Variants in ZNF547 observed in about 807,000 individuals in gnomAD.
ZNF547 encodes the protein zinc finger protein 547.
In ZNF547, 4 loss-of-function variants were observed where a neutral mutation model predicts 7.7. The observed-to-expected ratio is 0.52, with a 90% confidence interval of 0.26 to 1.20. ZNF547 has a LOEUF of 1.20. ZNF547 is among the 50% of genes most tolerant of loss of function. The probability of loss-of-function intolerance (pLI) is 0.14; values close to 1 mark genes in which losing one functional copy is unlikely to be tolerated. For missense variants in ZNF547, 449 were observed against 485.8 expected (o/e 0.92, Z 0.71); for synonymous variants, 166 against 166.2 (o/e 1.00, Z 0.01).
intron 2 of ZNF547, among the ~76,000 whole-genome samples, chr19:57,369,904 T>TTTTTTTTTTTG: frequency 1.8e-5 from 2 of 114,206 alleles, no homozygotes; most frequent in African/African-American, 3.5e-5. Flanking sequence ...CAGTTCTTTT[T>TTTTTTTTTTTG]TTTTTTTTTT....
intron 1 of ZNF547, among the ~76,000 whole-genome samples, chr19:57,367,617 A>C (rs983897565): frequency 6.6e-6 from 1 of 152,146 alleles, no homozygotes; most frequent in Admixed American, 6.5e-5. Flanking sequence ...CAGACCTGCC[A>C]TAGGAAGGAT....
intron 1 of ZNF547, among the ~76,000 whole-genome samples, chr19:57,366,242 T>G (rs1251879488): frequency 1.3e-5 from 2 of 150,836 alleles, no homozygotes; most frequent in South Asian, 2.1e-4. Context: ...GTTTTTGAGA[T>G]GGAGTCTTGC....
chr19:57,368,711 T>C, intron 2 of ZNF547, 132 bp downstream of exon 2: 1 of 846,536 alleles, frequency 1.2e-6, no homozygotes, highest in South Asian at 1.6e-5. Flanking sequence ...GAAAAGTGAG[T>C]GATTCCACCA....
intron 1 of ZNF547, among the ~76,000 whole-genome samples, chr19:57,366,844 A>G (rs1296317170): frequency 6.6e-6 from 1 of 152,230 alleles, no homozygotes; most frequent in Non-Finnish European, 1.5e-5. Context: ...GCATTTAGAG[A>G]TGTTATAAAA....
At chr19:57,367,183 G>A (rs2123011960) in intron 1 of ZNF547, among the ~76,000 whole-genome samples, 2 of 152,280 alleles carry the variant, frequency 1.3e-5, no homozygotes, top group Middle Eastern at 6.8e-3. Flanking sequence ...AGCCTTTTAG[G>A]CAATACACCA....
At chr19:57,377,020 C>T in intron 3 of ZNF547, 108 bp from the exon 4 acceptor site, 1 of 1,173,368 alleles carries the variant, frequency 8.5e-7, no homozygotes, top group Middle Eastern at 3.0e-4. Flanking sequence ...TCATGCCTGT[C>T]ACCAATTCCA....
Position 57,377,768 on chromosome 19 carries a change from A to G in ZNF547, c.792A>G (p.Gly264=). Reference sequence around the variant, plus strand: ...TTACACATCAGAGGGTTCACACTGGAAAGAGGCCTTATGGTTGCAGTGAAT... The same window carrying G: ...TTACACATCAGAGGGTTCACACTGGGAAGAGGCCTTATGGTTGCAGTGAAT... ...TLITHQRVHT[G]KRPYGCSECG... The change falls in exon 4 of 4, where the codon GGA becomes GGG. Residue 264 remains glycine, a synonymous_variant. Transcript: ENST00000282282. The G allele has an allele frequency of 6.2e-7, 1 of 1,614,208 alleles. No individual in the cohort carries two copies. The highest frequency in any genetic ancestry group is 1.3e-5 in the African/African-American group (1 of 75,052).
intron 3 of ZNF547, among the ~76,000 whole-genome samples, chr19:57,374,847 A>G (rs560028612): frequency 2.4e-4 from 36 of 152,168 alleles, no homozygotes; most frequent in Non-Finnish European, 1.2e-4. Flanking sequence ...ATATTGCTAA[A>G]TCAGCATTTT....
rs1479614344 is a variant in ZNF547 at position 57,379,252 on chromosome 19, A to C, written c.*1067A>C. On this transcript the variant is annotated 3_prime_UTR_variant, in exon 4 of 4. Transcript: ENST00000282282. The stretch of plus-strand genomic sequence containing the variant: ...ACTTTAATTCTTTGATGAACTGAGA[A>C]ACTTTTCCATAAAACTTGCACCGTT... The C allele has an allele frequency of 6.6e-6, 1 of 152,236 alleles. No homozygotes were observed. The highest frequency in any genetic ancestry group is 2.4e-5 in the African/African-American group (1 of 41,440). The allele number at this position is 152,236 out of a possible 1,614,324, so 9.4% of individuals were successfully genotyped here.
At chr19:57,369,062 A>G (rs992427426) in intron 2 of ZNF547, among the ~76,000 whole-genome samples, 7 of 152,128 alleles carry the variant, frequency 4.6e-5, no homozygotes, top group African/African-American at 1.7e-4. Flanking sequence ...GAAGATTTGA[A>G]GCAGAAGAGG....
Position 57,371,893 on chromosome 19 carries a change from C to T in ZNF547, c.136C>T (p.Leu46Phe). The T allele has an allele frequency of 1.2e-6, 2 of 1,610,272 alleles. No individual in the cohort carries two copies. The highest frequency in any genetic ancestry group is 1.7e-4 in the Middle Eastern group (1 of 6,030). The change falls in exon 3 of 4, where the codon CTT (leucine) becomes TTT (phenylalanine). Residue 46 changes from leucine (L) to phenylalanine (F), a missense_variant. By Grantham distance (22) the Leu-to-Phe change is conservative. Coordinates refer to ENST00000282282, the MANE Select transcript of ZNF547 (RefSeq NM_173631.4). ...TGATGTGATGCTGGAGAATTTGGCC[C>T]TTTTGTCCTCACTAGGTAAGGCCCT... Reference protein sequence around the residue: ...YRDVMLENLALLSSLGCCHGA... With the variant: ...YRDVMLENLAFLSSLGCCHGA...
intron 3 of ZNF547, 79 bp from the exon 4 acceptor site, chr19:57,377,049 G>T (rs1042169337): frequency 5.0e-6 from 7 of 1,401,154 alleles, no homozygotes; most frequent in Non-Finnish European, 6.8e-6. Flanking sequence ...TTCATGGGGT[G>T]TCTGACTGAC....
intron 2 of ZNF547, among the ~76,000 whole-genome samples, chr19:57,370,336 T>C (rs1445504305): frequency 6.6e-6 from 1 of 152,126 alleles, no homozygotes; most frequent in Non-Finnish European, 1.5e-5. Context: ...AACAGGGCCA[T>C]GTAGGGAACC....
intron 1 of ZNF547, chr19:57,365,500 A>G (rs912333965): frequency 6.7e-5 from 29 of 432,940 alleles, no homozygotes; most frequent in Non-Finnish European, 1.1e-4. Context: ...AATAATAATT[A>G]ATTTCTTTCT....
At chr19:57,364,818 C>T in intron 1 of ZNF547, 1 of 1,589,098 alleles carries the variant, frequency 6.3e-7, no homozygotes, top group Non-Finnish European at 8.6e-7. Context: ...GCTGCAGGAG[C>T]CATATATTGA....
chr19:57,369,896 G>GTTTTTTTTTTTTTTT (rs1300181023), intron 2 of ZNF547, among the ~76,000 whole-genome samples: 1 of 33,856 alleles, frequency 3.0e-5, no homozygotes, highest in Non-Finnish European at 6.8e-5. Context: ...TTGACTCACA[G>GTTTTTTTTTTTTTTT]TTCTTTTTTT....
intron 3 of ZNF547, among the ~76,000 whole-genome samples, chr19:57,374,021 C>T (rs377418941): frequency 1.7e-4 from 26 of 152,282 alleles, no homozygotes; most frequent in East Asian, 3.9e-4. Context: ...GTGGGGGCTC[C>T]GACCCCACAT....
rs570611755 is a variant in ZNF547, at chr19:57,378,679, T to C, written c.*494T>C. 25 of 375,746 alleles carry C rather than the reference T, an allele frequency of 6.7e-5. No homozygotes were observed. The highest frequency in any genetic ancestry group is 4.2e-5 in the Non-Finnish European group (8 of 192,066). The allele number at this position is 375,746 out of a possible 1,614,324, so 23.3% of individuals were successfully genotyped here. ...GATTTAGCACTGAGAACTAGTATTA[T>C]ATGGTTTTTAAAAAACAATGGTGAA... On this transcript the variant is annotated 3_prime_UTR_variant, in exon 4 of 4. Coordinates refer to ENST00000282282, the MANE Select transcript of ZNF547 (RefSeq NM_173631.4).
chr19:57,377,690 G>A lies in ZNF547; in HGVS notation c.714G>A (p.Arg238=). The change falls in exon 4 of 4, where the codon AGG becomes AGA. Residue 238 remains arginine, a synonymous_variant. Coordinates refer to ENST00000282282, the MANE Select transcript of ZNF547 (RefSeq NM_173631.4). ...VRHQTIHSGE[R]PYECSECGKL... ...ACCAGACAATCCACTCTGGAGAAAG[G>A]CCTTATGAGTGCAGTGAATGTGGGA... is the stretch of plus-strand genomic sequence containing the variant. 1.2e-6 allele frequency: 2 copies of A among 1,612,582 alleles called. No homozygotes were observed. Among genetic ancestry groups the A allele is most frequent in the Non-Finnish European group, 8.5e-7 (1 of 1,178,702 alleles).
Sources: allele counts gnomAD v4.1 joint callset (sites outside exome capture counted in the v4.1 genomes callset), GRCh38; gene constraint gnomAD v4.1.1; transcripts MANE v1.5; gene names NCBI Gene and HGNC (gene_info 2026-07-23, HGNC 2026-07-21).